ZDHHC13: variants seen among roughly 807,000 people sequenced by gnomAD.
ZDHHC13 encodes zDHHC palmitoyltransferase 13, also known as palmitoyltransferase ZDHHC13.
A neutral mutation model predicts 86.0 loss-of-function variants in ZDHHC13; 85 were observed. The observed-to-expected ratio is 0.99, with a 90% CI of 0.83 to 1.18. The LOEUF is 1.18. ZDHHC13 is among the 50% of genes most tolerant of loss of function. The pLI, the probability that ZDHHC13 is intolerant of heterozygous loss-of-function variation, is 0.00. For missense variants in ZDHHC13, 711 were observed against 730.2 expected (o/e 0.97, Z 0.30); for synonymous variants, 263 against 246.4 (o/e 1.07, Z -0.63).
At chr11:19,141,291 C>T (rs1048991491) in intron 1 of ZDHHC13, among the ~76,000 whole-genome samples, 1 of 152,018 alleles carries the variant, frequency 6.6e-6, no homozygotes, top group African/African-American at 2.4e-5. Context: ...ACTGTAGAGT[C>T]TTTTTAAAAT....
At chr11:19,119,350 C>T (rs1236494273) in intron 1 of ZDHHC13, among the ~76,000 whole-genome samples, 1 of 152,170 alleles carries the variant, frequency 6.6e-6, no homozygotes, top group Non-Finnish European at 1.5e-5. Flanking sequence ...TGTGATCCGC[C>T]CGCCTCGGCC....
At chr11:19,159,524 T>C (rs1479464801) in intron 10 of ZDHHC13, among the ~76,000 whole-genome samples, 4 of 150,236 alleles carry the variant, frequency 2.7e-5, no homozygotes, top group Admixed American at 6.6e-5. Context: ...ACTTTGCCAC[T>C]CAACATATAT....
rs1258301617 is a variant in ZDHHC13 at position 19,165,063 on chromosome 11, A to G, written c.1308A>G (p.Pro436=). ...TFCTSCLIRK[P]LRSLHCHVCN... is the part of the protein sequence containing the mutation. ...AATTGCCCACTTAGATAAGGAAGCC[A>G]TTAAGGTCACTCCACTGCCATGTAT... Residue 436 remains proline (P), a synonymous_variant, in exon 13 of 17, where the codon CCA becomes CCG. Coordinates refer to ENST00000446113, the MANE Select transcript of ZDHHC13 (RefSeq NM_019028.3). The G allele has an allele frequency of 7.4e-6, 12 of 1,612,436 alleles. No homozygotes were observed. Among genetic ancestry groups the G allele is most frequent in the African/African-American group, 1.3e-5 (1 of 74,890 alleles).
At chr11:19,141,055 TTAAAG>T (rs1207444410) in intron 1 of ZDHHC13, among the ~76,000 whole-genome samples, 1 of 151,742 alleles carries the variant, frequency 6.6e-6, no homozygotes, top group Non-Finnish European at 1.5e-5. Flanking sequence ...CCCTAAAACT[TTAAAG>T]TAGTATAATA....
intron 2 of ZDHHC13, among the ~76,000 whole-genome samples, chr11:19,144,034 T>A (rs2133405710): frequency 6.6e-6 from 1 of 152,316 alleles, no homozygotes; most frequent in South Asian, 2.1e-4. Flanking sequence ...TTAGCCTGTT[T>A]GGCCTTGATA....
intron 14 of ZDHHC13, chr11:19,169,224 C>T: frequency 9.1e-6 from 9 of 985,374 alleles, no homozygotes; most frequent in Non-Finnish European, 1.1e-5. Context: ...TTTTCTCCAC[C>T]TACTGTTGGA....
rs76906562 is a variant in ZDHHC13 at position 19,147,088 on chromosome 11, C to T, written c.297-508C>T. On this transcript the variant is annotated intron_variant, in intron 3 of 16. Transcript: ENST00000446113. ...CACCTTATACAGTGCCTCTCATCTC[C>T]GTACCCTAAATACAGGGCAAAACAC... is the stretch of plus-strand genomic sequence containing the variant. Among the ~76,000 whole-genome samples the T allele has an allele frequency of 6.9e-3, 1,049 of 152,220 alleles. 9 individuals carry two copies. Among genetic ancestry groups the T allele is most frequent in the African/African-American group, 0.024 (985 of 41,566 alleles).
At chr11:19,167,047 A>G (rs567733263) in intron 14 of ZDHHC13, 59 of 152,372 alleles carry the variant, frequency 3.9e-4, no homozygotes, top group African/African-American at 1.3e-3. Flanking sequence ...GATTTTGGCT[A>G]TGTCTTAAGA....
chr11:19,151,120 A>G (rs556898762), intron 6 of ZDHHC13, among the ~76,000 whole-genome samples: 25 of 152,184 alleles, frequency 1.6e-4, no homozygotes, highest in Non-Finnish European at 2.4e-4. Flanking sequence ...AAAAATGGCT[A>G]TAATTTTAAA....
At chr11:19,139,847 A>G (rs1266720277) in intron 1 of ZDHHC13, among the ~76,000 whole-genome samples, 2 of 122,186 alleles carry the variant, frequency 1.6e-5, no homozygotes, top group African/African-American at 6.3e-5. Flanking sequence ...GGTGCTGGGA[A>G]AACTGGCTAG....
Position 19,152,161 on chromosome 11 carries a change from A to G in ZDHHC13, c.588A>G (p.Pro196=), listed in dbSNP as rs1849625824. 1.2e-6 allele frequency: 2 copies of G among 1,612,736 alleles called. No individual in the cohort carries two copies. The highest frequency in any genetic ancestry group is 1.7e-6 in the Non-Finnish European group (2 of 1,179,170). Residue 196 remains proline, a synonymous_variant, in exon 7 of 17, where the codon CCA becomes CCG. Coordinates refer to ENST00000446113, the MANE Select transcript of ZDHHC13 (RefSeq NM_019028.3). ...LMLSAHKVIG[P]EPTGFLLKFN... is the part of the protein sequence containing the mutation. Reference sequence around the variant, plus strand: ...GTATTTTATTATTTTGAGACAGGCCAGAACCAACTGGATTTCTTTTAAAGT... The same window carrying G: ...GTATTTTATTATTTTGAGACAGGCCGGAACCAACTGGATTTCTTTTAAAGT...
intron 16 of ZDHHC13, among the ~76,000 whole-genome samples, chr11:19,173,480 G>A (rs965884631): frequency 6.6e-6 from 1 of 152,222 alleles, no homozygotes; most frequent in African/African-American, 2.4e-5. Context: ...AGGTGACCCA[G>A]AGCCCTCTGG....
intron 9 of ZDHHC13, 99 bp downstream of exon 9, chr11:19,156,028 G>A: frequency 1.4e-6 from 2 of 1,387,880 alleles, no homozygotes; most frequent in Non-Finnish European, 1.9e-6. Flanking sequence ...TTATCATGCT[G>A]TAAATATTAC....
intron 3 of ZDHHC13, among the ~76,000 whole-genome samples, 186 bp from the exon 4 acceptor site, chr11:19,147,410 A>T (rs574984526): frequency 5.9e-5 from 9 of 152,296 alleles, no homozygotes; most frequent in African/African-American, 2.2e-4. Flanking sequence ...AGGATGTTTC[A>T]TCAGGGATTT....
intron 1 of ZDHHC13, among the ~76,000 whole-genome samples, chr11:19,128,951 C>T (rs1160339572): frequency 6.6e-6 from 1 of 152,046 alleles, no homozygotes; most frequent in Admixed American, 6.6e-5. Context: ...GCTATACTGC[C>T]CAGGTCTGTG....
chr11:19,134,528 T>TA (rs1343783394), intron 1 of ZDHHC13, among the ~76,000 whole-genome samples: 1 of 152,142 alleles, frequency 6.6e-6, no homozygotes, highest in Non-Finnish European at 1.5e-5. Flanking sequence ...TATGCAGCCA[T>TA]AAAAAAGAAT....
intron 1 of ZDHHC13, among the ~76,000 whole-genome samples, chr11:19,121,167 T>G (rs975520307): frequency 6.6e-5 from 10 of 152,228 alleles, no homozygotes; most frequent in Non-Finnish European, 1.2e-4. Context: ...AATAACTTAC[T>G]TTCCAAAGGT....
At position 19,162,822 on chromosome 11, in the gene ZDHHC13, A is replaced by T. The variant is rs149308631; in HGVS notation, c.1109-481A>T. ...GATTTCATAAAGAAATTATGATGTG[A>T]TTCTTTCACAAAGGATCTTGCCCTA... On this transcript the variant is annotated intron_variant, in intron 10 of 16. Coordinates refer to ENST00000446113, the MANE Select transcript of ZDHHC13 (RefSeq NM_019028.3). 3.9e-3 allele frequency among the ~76,000 whole-genome samples: 597 copies of T among 152,270 alleles called. 5 individuals carry two copies. The highest frequency in any genetic ancestry group is 0.014 in the African/African-American group (575 of 41,568).
Position 19,117,413 on chromosome 11 carries a change from C to T in ZDHHC13, c.27+137C>T, listed in dbSNP as rs906738655. 251 of 856,842 alleles carry T rather than the reference C, an allele frequency of 2.9e-4. 1 individual carries two copies. The highest frequency in any genetic ancestry group is 4.1e-4 in the Non-Finnish European group (246 of 599,204). The allele number at this position is 856,842 out of a possible 1,614,324, so 53.1% of individuals were successfully genotyped here. On this transcript the variant is annotated intron_variant, in intron 1 of 16. Transcript: ENST00000446113. This position sits in a 1 kb window ranked among gnomAD's most constrained non-coding sequence, Gnocchi z 4.2. ...GGGGCCTAGGTCTGGGAAGCGGGAG[C>T]CTGGAAACACCACGAACGATGCTGG...
Sources: gnomAD v4.1 joint callset for allele counts (sites outside exome capture counted in the v4.1 genomes callset) on GRCh38, gnomAD v4.1.1 for gene constraint, Gnocchi (gnomAD v3.1) non-coding constraint, MANE v1.5 for transcripts, NCBI Gene and HGNC (gene_info 2026-07-23, HGNC 2026-07-21) for gene names.